The following ZC3H4 variants were observed in gnomAD, a reference collection of about 807,000 sequenced individuals.
ZC3H4 encodes the protein zinc finger CCCH domain-containing protein 4.
A neutral mutation model predicts 108.3 loss-of-function variants in ZC3H4; 13 were observed. That is an observed-to-expected ratio of 0.12 (90% CI 0.08 to 0.19). The LOEUF (loss-of-function observed/expected upper bound fraction) is 0.19, where lower values mean the gene tolerates loss of function less well. Among genes scored for constraint, ZC3H4 ranks in the 10% least tolerant of loss-of-function variants. The pLI, the probability that ZC3H4 is intolerant of heterozygous loss-of-function variation, is 1.00. For synonymous variants in ZC3H4, 917 were observed against 749.6 expected (o/e 1.22, Z -3.65); for missense variants, 1,734 against 1,838.8 (o/e 0.94, Z 1.04).
rs187205725 is a variant in ZC3H4, at chr19:47,113,703, G to C, written c.-6+17C>G. 19 of 151,864 alleles carry C rather than the reference G, an allele frequency of 1.3e-4. No homozygotes were observed. Among genetic ancestry groups the C allele is most frequent in the Admixed American group, 9.2e-4 (14 of 15,266 alleles). The allele number at this position is 151,864 out of a possible 1,614,324, so 9.4% of individuals were successfully genotyped here. On this transcript the variant is annotated intron_variant, in intron 1 of 14. Coordinates refer to ENST00000253048, the MANE Select transcript of ZC3H4 (RefSeq NM_015168.2). ...AGGGAAGGAATTCAGGCTACGGAGA[G>C]GGAAAAAAAAAATAACCGAAAGCTG...
intron 13 of ZC3H4, among the ~76,000 whole-genome samples, chr19:47,070,924 C>T (rs1466886774): frequency 6.6e-6 from 1 of 152,212 alleles, no homozygotes; most frequent in Non-Finnish European, 1.5e-5. Flanking sequence ...ACTCCAGTGG[C>T]CGCCCTGCTG....
chr19:47,083,407 A>G (rs182692757), intron 9 of ZC3H4, among the ~76,000 whole-genome samples: 1 of 152,196 alleles, frequency 6.6e-6, no homozygotes, highest in Admixed American at 6.5e-5. Context: ...AAGTTTCTCA[A>G]CAGAATAGAA....
At position 47,112,568 on chromosome 19, in the gene ZC3H4, CCGGGCG is replaced by C; in HGVS notation, c.11_16del (p.Ala4_Pro5del). ...CTCTGATGGCGGCGGCGGGGGGGTC[CCGGGCG>C]CGGCCTCCATAGTTCCTTTGGGGGG... On this transcript the variant is annotated inframe_deletion, in exon 2 of 15. Coordinates refer to ENST00000253048, the MANE Select transcript of ZC3H4 (RefSeq NM_015168.2). 1 of 1,128,290 alleles carries C rather than the reference CCGGGCG, an allele frequency of 8.9e-7. No individual in the cohort carries two copies. The highest frequency in any genetic ancestry group is 3.3e-4 in the Middle Eastern group (1 of 3,056). The allele number at this position is 1,128,290 out of a possible 1,614,324, so 69.9% of individuals were successfully genotyped here.
chr19:47,099,904 A>G lies in ZC3H4; in HGVS notation c.162-5296T>C, dbSNP rs941412627. ...GAACAGCAGCGGTTACCTTAAGATC[A>G]TGAGAGCCCTTGATAAGAGGCGGCT... is the stretch of plus-strand genomic sequence containing the variant. On this transcript the variant is annotated intron_variant, in intron 2 of 14. Transcript: ENST00000253048. Among the ~76,000 whole-genome samples the G allele has an allele frequency of 5.0e-4, 76 of 151,946 alleles. 1 individual carries two copies. Among genetic ancestry groups the G allele is most frequent in the Non-Finnish European group, 1.8e-4 (12 of 67,996 alleles).
At chr19:47,083,648 G>C (rs1330649709) in intron 9 of ZC3H4, among the ~76,000 whole-genome samples, 5 of 152,066 alleles carry the variant, frequency 3.3e-5, no homozygotes, top group Non-Finnish European at 5.9e-5. Context: ...GGCGGAGGTT[G>C]CAGTGAGCCG....
At position 47,064,939 on chromosome 19, in the gene ZC3H4, CTT is replaced by C. The variant is rs1368290174; in HGVS notation, c.*1415_*1416del. 1 of 152,210 alleles carries C rather than the reference CTT, an allele frequency of 6.6e-6. No homozygotes were observed. The highest frequency in any genetic ancestry group is 2.4e-5 in the African/African-American group (1 of 41,418). 9.4% of individuals were successfully genotyped at this position (152,210 alleles called of 1,614,324 possible). A position where few individuals can be genotyped will look rare whatever the true frequency, so the allele number is the denominator to read the frequency against. On this transcript the variant is annotated 3_prime_UTR_variant, in exon 15 of 15. Transcript: ENST00000253048. Reference sequence around the variant, plus strand: ...AATCCCTTGGCAGGTAACTAGGTCTCTTCATGGTCAGCAATGAAGAGCTTGGC... The same window carrying C: ...AATCCCTTGGCAGGTAACTAGGTCTCCATGGTCAGCAATGAAGAGCTTGGC...
In ZC3H4 at chr19:47,066,100, G is replaced by C. The variant is rs1181679713; in HGVS notation, c.*256C>G. 4 of 348,956 alleles carry C rather than the reference G, an allele frequency of 1.1e-5. No homozygotes were observed. The highest frequency in any genetic ancestry group is 2.1e-4 in the South Asian group (2 of 9,566). The allele number at this position is 348,956 out of a possible 1,614,324, so 21.6% of individuals were successfully genotyped here. ...CACTGGCGAAAGTTCACAGGTTTGC[G>C]GGCATGAGTCGGTTTGCTCAGCAGG... On this transcript the variant is annotated 3_prime_UTR_variant, in exon 15 of 15. Transcript: ENST00000253048.
At chr19:47,070,197 G>T (rs2057301467) in intron 13 of ZC3H4, among the ~76,000 whole-genome samples, 1 of 152,182 alleles carries the variant, frequency 6.6e-6, no homozygotes, top group South Asian at 2.1e-4. Flanking sequence ...AAATGTTCTA[G>T]ATCTGCAGGG....
chr19:47,111,991 C>T (rs1204971126), intron 2 of ZC3H4, among the ~76,000 whole-genome samples: 1 of 152,156 alleles, frequency 6.6e-6, no homozygotes, highest in East Asian at 1.9e-4. Flanking sequence ...CCCCCATCCC[C>T]TTCCCCGAAG....
chr19:47,111,122 C>T (rs440145), intron 2 of ZC3H4, among the ~76,000 whole-genome samples: 1 of 152,150 alleles, frequency 6.6e-6, no homozygotes, highest in South Asian at 2.1e-4. Flanking sequence ...GCGTTCTCTT[C>T]CCCTCTCCAC....
intron 11 of ZC3H4, among the ~76,000 whole-genome samples, chr19:47,073,164 T>C (rs2057360389): frequency 6.6e-6 from 1 of 151,492 alleles, no homozygotes; most frequent in Non-Finnish European, 1.5e-5. Flanking sequence ...TCTCAGCTAC[T>C]CGGGAGGCTG....
chr19:47,088,404 C>T (rs938656787), intron 5 of ZC3H4, among the ~76,000 whole-genome samples: 2 of 151,812 alleles, frequency 1.3e-5, no homozygotes, highest in East Asian at 3.9e-4. Flanking sequence ...CAAAAAAAGC[C>T]GGGCATGGTG....
chr19:47,098,292 C>T (rs1208117141), intron 2 of ZC3H4, among the ~76,000 whole-genome samples: 1 of 152,128 alleles, frequency 6.6e-6, no homozygotes, highest in Non-Finnish European at 1.5e-5. Context: ...GAGTTCGGGA[C>T]CAGCCTGGCC....
At position 47,097,014 on chromosome 19, in the gene ZC3H4, T is replaced by A. The variant is rs888922676; in HGVS notation, c.162-2406A>T. On this transcript the variant is annotated intron_variant, in intron 2 of 14. Transcript: ENST00000253048. Reference sequence around the variant, plus strand: ...CGCTGGCTCGGACGAAGGTACAGGCTACTCTACATCTAACACCTGCGGGCA... The same window carrying A: ...CGCTGGCTCGGACGAAGGTACAGGCAACTCTACATCTAACACCTGCGGGCA... 10 of 984,942 alleles carry A rather than the reference T, an allele frequency of 1.0e-5. No homozygotes were observed. The African/African-American group carries it at 1.7e-4, about 17-fold the overall frequency. 61.0% of individuals were successfully genotyped at this position (984,942 alleles called of 1,614,324 possible).
intron 2 of ZC3H4, chr19:47,110,871 A>T: frequency 1.0e-6 from 1 of 982,788 alleles, no homozygotes; most frequent in Non-Finnish European, 1.2e-6. Flanking sequence ...CAAAACAGAA[A>T]AAAAAAATGT....
At chr19:47,090,222 C>T (rs1411552466) in intron 4 of ZC3H4, 33 bp from the exon 5 acceptor site, 7 of 1,612,368 alleles carry the variant, frequency 4.3e-6, no homozygotes, top group East Asian at 2.2e-5. Flanking sequence ...AGAGGTGAGC[C>T]GGATCCCACA....
chr19:47,077,848 A>G (rs1440803913), intron 11 of ZC3H4, among the ~76,000 whole-genome samples: 2 of 147,008 alleles, frequency 1.4e-5, no homozygotes, highest in Middle Eastern at 3.3e-3. Context: ...CAAGAGCAAA[A>G]CTCCGTCTCA....
Position 47,085,426 on chromosome 19 carries a change from A to G in ZC3H4, c.871-12T>C, listed in dbSNP as rs747477055. The G allele has an allele frequency of 1.3e-6, 2 of 1,566,198 alleles. No individual in the cohort carries two copies. Among genetic ancestry groups the G allele is most frequent in the Non-Finnish European group, 1.7e-6 (2 of 1,157,662 alleles). On this transcript the variant is annotated splice_polypyrimidine_tract_variant and intron_variant, in intron 6 of 14. Coordinates refer to ENST00000253048, the MANE Select transcript of ZC3H4 (RefSeq NM_015168.2). ...TCACTCTCTCCATACTGGAATGCGC[A>G]GAGGAGAGGGCAGGAGAGCGTCAGG...
rs780922122 is a variant in ZC3H4, at chr19:47,066,836, G to A, written c.3432C>T (p.Ser1144=). Residue 1144 remains serine (S), a synonymous_variant, in exon 15 of 15, where the codon AGC becomes AGT. Coordinates refer to ENST00000253048, the MANE Select transcript of ZC3H4 (RefSeq NM_015168.2). ...TCCTCGGGTCGTAGAGGCTGATACC[G>A]CTCAGCACACTGCTCTGCCCGCCCC... is the stretch of plus-strand genomic sequence containing the variant. ...GGGGGQSSVL[S]GISLYDPRTP... 4.6e-5 allele frequency: 74 copies of A among 1,599,506 alleles called. No individual in the cohort carries two copies. Among genetic ancestry groups the A allele is most frequent in the Middle Eastern group, 1.7e-4 (1 of 6,052 alleles).
Sources: allele counts gnomAD v4.1 joint callset (sites outside exome capture counted in the v4.1 genomes callset), GRCh38; gene constraint gnomAD v4.1.1; transcripts MANE v1.5; gene names NCBI Gene and HGNC (gene_info 2026-07-23, HGNC 2026-07-21).